The following NOS3 variants were observed in gnomAD, a reference collection of about 807,000 sequenced individuals.
The protein encoded by NOS3 is nitric oxide synthase 3, also known as NOS type III.
Under a neutral mutation model 144.9 loss-of-function variants are expected in NOS3, and 98 were observed. The observed-to-expected ratio is 0.68, with a 90% CI of 0.57 to 0.80. NOS3 has a LOEUF of 0.80. Ranked by LOEUF, NOS3 falls within the 30% of genes least tolerant of loss-of-function variation. NOS3 has a pLI of 0.00. For synonymous variants in NOS3, 714 were observed against 702.4 expected, an observed-to-expected ratio of 1.02 and a Z score of -0.26; for missense variants, 1,465 against 1,656.4, an observed-to-expected ratio of 0.88 and a Z score of 2.01.
Position 150,991,567 on chromosome 7 carries a change from G to A in NOS3, c.-52+267G>A, listed in dbSNP as rs560752630. Among the ~76,000 whole-genome samples, 8 of 152,328 alleles carry A rather than the reference G, an allele frequency of 5.3e-5. 1 individual carries two copies. The South Asian group carries it at 1.7e-3, about 32-fold the overall frequency. ...GGAGTGGCTTTGTTCTTGGCTGAGG[G>A]TTTTGGGTAGTGCCAAAGCGTAAGG... On this transcript the variant is annotated intron_variant, in intron 1 of 26. Coordinates refer to ENST00000297494, the MANE Select transcript of NOS3 (RefSeq NM_000603.5).
chr7:150,999,275 T>A lies in NOS3; in HGVS notation c.1042T>A (p.Phe348Ile), dbSNP rs1341054225. The change falls in exon 9 of 27, where the codon TTC becomes ATC. Residue 348 changes from phenylalanine to isoleucine, a missense_variant. Phe to Ile is a conservative substitution (Grantham distance 21, BLOSUM62 0). Around this residue, in one of 5 missense-constraint regions of NOS3, gnomAD observed 745 missense variants for 853.9 expected, o/e 0.87. Transcript: ENST00000297494. Reference sequence around the variant, plus strand: ...GCTGCTGGAAATTGGGGGCCTGGAGTTCCCCGCAGCCCCCTTCAGTGGCTG... The same window carrying A: ...GCTGCTGGAAATTGGGGGCCTGGAGATCCCCGCAGCCCCCTTCAGTGGCTG... Reference protein sequence around the residue: ...NMLLEIGGLEFPAAPFSGWYM... With the variant: ...NMLLEIGGLEIPAAPFSGWYM... 4 of 1,611,938 alleles carry A rather than the reference T, an allele frequency of 2.5e-6. No homozygotes were observed. Among genetic ancestry groups the A allele is most frequent in the Non-Finnish European group, 3.4e-6 (4 of 1,179,714 alleles).
chr7:151,012,566 C>T (rs769951750), intron 24 of NOS3, 94 bp downstream of exon 24: 19 of 1,435,216 alleles, frequency 1.3e-5, no homozygotes, highest in Non-Finnish European at 1.8e-5. Flanking sequence ...AAAGAGAGGG[C>T]AGGAAACAAA....
In NOS3 at chr7:151,013,996, C is replaced by T. The variant is rs1170349557; in HGVS notation, c.3451-12C>T. The T allele has an allele frequency of 6.2e-7, 1 of 1,611,544 alleles. No homozygotes were observed. The highest frequency in any genetic ancestry group is 8.5e-7 in the Non-Finnish European group (1 of 1,178,266). ...GAGTCGGGTTCTGATCCACTGTGCTCTTTTCCGACAGGATCAGCAACGCTA... is the reference window on the plus strand; with the variant it reads ...GAGTCGGGTTCTGATCCACTGTGCTTTTTTCCGACAGGATCAGCAACGCTA... On this transcript the variant is annotated splice_polypyrimidine_tract_variant and intron_variant, in intron 26 of 26. Coordinates refer to ENST00000297494, the MANE Select transcript of NOS3 (RefSeq NM_000603.5).
At chr7:151,000,695 G>A in intron 10 of NOS3, 96 bp downstream of exon 10, 3 of 793,690 alleles carry the variant, frequency 3.8e-6, no homozygotes, top group Non-Finnish European at 6.4e-6. Context: ...AGAAACTAGG[G>A]CAGGATTTGG....
In NOS3 at chr7:151,010,166, T is replaced by A. The variant is rs1315260887; in HGVS notation, c.2564T>A (p.Leu855Gln). Residue 855 changes from leucine to glutamine, a missense_variant, in exon 21 of 27, where the codon CTG (leucine) becomes CAG (glutamine). Around this residue, in one of 5 missense-constraint regions of NOS3, gnomAD observed 745 missense variants for 853.9 expected, o/e 0.87. Transcript: ENST00000297494. ...VRDPRLPPCT[L>Q]RQALTFFLDI... ...GACCCCCGGCTGCCCCCGTGCACGC[T>A]GCGCCAGGCTCTCACCTTCTTCCTG... 1 of 1,611,108 alleles carries A rather than the reference T, an allele frequency of 6.2e-7. No individual in the cohort carries two copies. Among genetic ancestry groups the A allele is most frequent in the Non-Finnish European group, 8.5e-7 (1 of 1,179,314 alleles).
intron 9 of NOS3, among the ~76,000 whole-genome samples, chr7:150,999,623 TGGG>T (rs765352073): frequency 1.5e-5 from 2 of 137,854 alleles, no homozygotes; most frequent in African/African-American, 5.6e-5. Context: ...TGTGGGCTTG[TGGG>T]GTGTGTAGTG....
At chr7:150,992,040 C>T (rs554684853) in intron 1 of NOS3, among the ~76,000 whole-genome samples, 1 of 151,212 alleles carries the variant, frequency 6.6e-6, no homozygotes, top group South Asian at 2.1e-4. Context: ...GGGTGCCTGT[C>T]GTCCTCGGGA....
intron 14 of NOS3, 61 bp from the exon 15 acceptor site, chr7:151,006,366 A>C: frequency 8.4e-7 from 1 of 1,196,548 alleles, no homozygotes; most frequent in South Asian, 1.3e-5. Flanking sequence ...TACAGTTTTA[A>C]ACTTCTATGT....
At position 151,013,810 on chromosome 7, in the gene NOS3, C is replaced by T. The variant is rs1276390408; in HGVS notation, c.3342C>T (p.Cys1114=). The T allele has an allele frequency of 6.2e-7, 1 of 1,610,104 alleles. No homozygotes were observed. Among genetic ancestry groups the T allele is most frequent in the Non-Finnish European group, 8.5e-7 (1 of 1,178,722 alleles). ...LCLERGHMFV[C]GDVTMATNVL... Reference sequence around the variant, plus strand: ...TCGAGCGGGGCCACATGTTTGTCTGCGGCGATGTTACCATGGCAACCAACG... The same window carrying T: ...TCGAGCGGGGCCACATGTTTGTCTGTGGCGATGTTACCATGGCAACCAACG... Residue 1114 remains cysteine, a synonymous_variant, in exon 26 of 27, where the codon TGC becomes TGT. Transcript: ENST00000297494.
At position 151,013,952 on chromosome 7, in the gene NOS3, G is replaced by A. The variant is rs556859497; in HGVS notation, c.3450+34G>A. ...GGGCGGGCCGGGCCTGAGCGTGCGG[G>A]GTTCCTGCTAAGGTCTCCGAGTCGG... On this transcript the variant is annotated intron_variant, in intron 26 of 26. Transcript: ENST00000297494. 1.9e-6 allele frequency: 3 copies of A among 1,604,286 alleles called. No homozygotes were observed. In the African/African-American group the frequency reaches 4.0e-5, roughly 21 times the overall value.
rs1265097941 is a variant in NOS3 at position 150,999,030 on chromosome 7, G to C, written c.901G>C (p.Glu301Gln). 1 of 1,612,620 alleles carries C rather than the reference G, an allele frequency of 6.2e-7. No individual in the cohort carries two copies. The highest frequency in any genetic ancestry group is 8.5e-7 in the Non-Finnish European group (1 of 1,179,894). The change falls in exon 8 of 27, where the codon GAA becomes CAA. Residue 301 changes from glutamate (E) to glutamine (Q), a missense_variant. Transcript: ENST00000297494. ...GCTGCAGGCCCCAGATGATCCCCCA[G>C]AACTCTTCCTTCTGCCCCCCGAGCT... The part of the protein sequence containing the change: ...LLLQAPDDPP[E>Q]LFLLPPELVL...
At position 151,014,497 on chromosome 7, in the gene NOS3, T is replaced by C. The variant is rs985145510; in HGVS notation, c.*328T>C. The C allele has an allele frequency of 3.0e-6, 1 of 334,468 alleles. No individual in the cohort carries two copies. Among genetic ancestry groups the C allele is most frequent in the African/African-American group, 2.1e-5 (1 of 47,666 alleles). The allele number at this position is 334,468 out of a possible 1,614,324, so 20.7% of individuals were successfully genotyped here. On this transcript the variant is annotated 3_prime_UTR_variant, in exon 27 of 27. Coordinates refer to ENST00000297494, the MANE Select transcript of NOS3 (RefSeq NM_000603.5). ...TCAGGAGTATCTTACCTGTAAAGTC[T>C]AATCTCTAAATCAAGTATTTATTAT...
rs143324164 is a variant in NOS3, at chr7:150,996,515, C to T, written c.382C>T (p.Arg128Trp). Residue 128 changes from arginine (R) to tryptophan (W), a missense_variant, in exon 4 of 27, where the codon CGG becomes TGG. Coordinates refer to ENST00000297494, the MANE Select transcript of NOS3 (RefSeq NM_000603.5). ...PAPEQLLSQARDFINQYYSSI... is the reference protein window; with the variant it reads ...PAPEQLLSQAWDFINQYYSSI... The stretch of plus-strand genomic sequence containing the variant: ...CCCTGAGCAGCTGCTGAGTCAGGCC[C>T]GGGACTTCATCAACCAGTACTACAG... The T allele has an allele frequency of 1.4e-4, 231 of 1,607,330 alleles. No individual in the cohort carries two copies. In the African/African-American group the frequency reaches 1.5e-3, roughly 11 times the overall value.
rs1387125140 is a variant in NOS3 at position 150,996,868 on chromosome 7, G to A, written c.525G>A (p.Lys175=). 1.9e-6 allele frequency: 3 copies of A among 1,591,872 alleles called. No individual in the cohort carries two copies. Among genetic ancestry groups the A allele is most frequent in the Middle Eastern group, 3.5e-4 (2 of 5,750 alleles). Residue 175 remains lysine (K), a synonymous_variant, in exon 5 of 27, where the codon AAG becomes AAA. Coordinates refer to ENST00000297494, the MANE Select transcript of NOS3 (RefSeq NM_000603.5). ...LRESELVFGA[K]QAWRNAPRCV... is the part of the protein sequence containing the mutation. ...AGAGCGAGCTGGTGTTCGGGGCTAAGCAGGCCTGGCGCAACGCTCCCCGCT... is the reference window on the plus strand; with the variant it reads ...AGAGCGAGCTGGTGTTCGGGGCTAAACAGGCCTGGCGCAACGCTCCCCGCT...
rs41490944 is a variant in NOS3 at position 150,993,431 on chromosome 7, G to A, written c.-51-322G>A. 5.8e-4 allele frequency among the ~76,000 whole-genome samples: 89 copies of A among 152,270 alleles called. No individual in the cohort carries two copies. The highest frequency in any genetic ancestry group is 1.9e-3 in the African/African-American group (78 of 41,554). ...CAGGGGTGAGGCCGAAGGCCCTTCCGTCTGGTGCCACATCACAGAAGGACC... is the reference window on the plus strand; with the variant it reads ...CAGGGGTGAGGCCGAAGGCCCTTCCATCTGGTGCCACATCACAGAAGGACC... On this transcript the variant is annotated intron_variant, in intron 1 of 26. Transcript: ENST00000297494. The surrounding 1 kb of genome is among the most constrained non-coding windows in gnomAD (Gnocchi z 4.0).
chr7:151,010,637 C>A lies in NOS3; in HGVS notation c.2726C>A (p.Pro909His). Residue 909 changes from proline (P) to histidine (H), a missense_variant, in exon 22 of 27, where the codon CCC becomes CAC. Pro to His is a moderately conservative substitution (Grantham distance 77). Transcript: ENST00000297494. Reference protein sequence around the residue: ...RYEEWKWFRCPTLLEVLEQFP... With the variant: ...RYEEWKWFRCHTLLEVLEQFP... ...GAGGAGTGGAAGTGGTTCCGCTGCC[C>A]CACGCTGCTGGAGGTGCTGGAGCAG... The A allele has an allele frequency of 6.2e-7, 1 of 1,605,168 alleles. No homozygotes were observed. Among genetic ancestry groups the A allele is most frequent in the East Asian group, 2.3e-5 (1 of 44,356 alleles).
In NOS3 at chr7:150,998,357, G is replaced by T. The variant is rs779539561; in HGVS notation, c.583G>T (p.Val195Leu). 1.2e-6 allele frequency: 2 copies of T among 1,611,210 alleles called. No homozygotes were observed. The highest frequency in any genetic ancestry group is 1.7e-6 in the Non-Finnish European group (2 of 1,179,498). ...VGRIQWGKLQ[V>L]FDARDCRSAQ... ...TCTCCCGCTGCCTCGGCTGGCTCAGGTGTTCGATGCCCGGGACTGCAGGTC... is the reference window on the plus strand; with the variant it reads ...TCTCCCGCTGCCTCGGCTGGCTCAGTTGTTCGATGCCCGGGACTGCAGGTC... The change falls in exon 6 of 27, where the codon GTG (valine) becomes TTG (leucine). Residue 195 changes from valine (V) to leucine (L), a missense_variant and splice_region_variant. Transcript: ENST00000297494. The surrounding 1 kb of genome is among the most constrained non-coding windows in gnomAD (Gnocchi z 5.0).
chr7:151,011,004 C>G lies in NOS3; in HGVS notation c.2984+18C>G, dbSNP rs1385563158. The stretch of plus-strand genomic sequence containing the variant: ...ATCCGGGGGTAAGTGAGATGGAAGA[C>G]TTGGTGGGGAGCTGCCCAGGGTCAG... On this transcript the variant is annotated intron_variant, in intron 23 of 26. Transcript: ENST00000297494. The G allele has an allele frequency of 6.3e-7, 1 of 1,586,788 alleles. No individual in the cohort carries two copies. The highest frequency in any genetic ancestry group is 8.6e-7 in the Non-Finnish European group (1 of 1,157,270).
At chr7:151,006,577 C>G in intron 15 of NOS3, 83 bp downstream of exon 15, 1 of 1,185,368 alleles carries the variant, frequency 8.4e-7, no homozygotes, top group South Asian at 1.3e-5. Flanking sequence ...AAAAGCTCTC[C>G]CTCTGTGCCT....
Sources: gnomAD v4.1 joint callset for allele counts (sites outside exome capture counted in the v4.1 genomes callset) on GRCh38, gnomAD v4.1.1 for gene constraint, gnomAD v4.1.1 regional missense constraint, Gnocchi (gnomAD v3.1) non-coding constraint, MANE v1.5 for transcripts, NCBI Gene and HGNC (gene_info 2026-07-23, HGNC 2026-07-21) for gene names.